FSTL5: variants seen among roughly 807,000 people sequenced by gnomAD.
The protein encoded by FSTL5 is follistatin like 5.
A neutral mutation model predicts 89.1 loss-of-function variants in FSTL5; 62 were observed. That is an observed-to-expected ratio of 0.70 (90% confidence interval 0.57 to 0.86). The LOEUF (loss-of-function observed/expected upper bound fraction) is 0.86, where lower values mean the gene tolerates loss of function less well. Ranked by LOEUF, FSTL5 falls within the 40% of genes least tolerant of loss-of-function variation. FSTL5 has a pLI of 0.00. For missense variants in FSTL5, 1,057 were observed against 1,001.6 expected, an observed-to-expected ratio of 1.06 and a Z score of -0.75; for synonymous variants, 383 against 346.2, an observed-to-expected ratio of 1.11 and a Z score of -1.18.
chr4:162,014,579 A>G (rs1736862501), intron 3 of FSTL5, among the ~76,000 whole-genome samples: 1 of 152,260 alleles, frequency 6.6e-6, no homozygotes. Context: ...AAAGCATAAC[A>G]CAAAAGGGAT....
intron 6 of FSTL5, among the ~76,000 whole-genome samples, chr4:161,685,734 A>G (rs778846831): frequency 1.8e-4 from 27 of 152,264 alleles, no homozygotes; most frequent in East Asian, 9.7e-4. Flanking sequence ...TTCTTTCCCA[A>G]TTTGGATCCC....
intron 5 of FSTL5, among the ~76,000 whole-genome samples, chr4:161,763,246 C>A (rs980050093): frequency 6.6e-6 from 1 of 152,068 alleles, no homozygotes; most frequent in Non-Finnish European, 1.5e-5. Context: ...ATATGAAACT[C>A]ATATTCTGGT....
chr4:162,139,678 A>C (rs1006945379), intron 1 of FSTL5, among the ~76,000 whole-genome samples: 3 of 152,154 alleles, frequency 2.0e-5, no homozygotes, highest in Middle Eastern at 3.2e-3. Flanking sequence ...TCTAGTCTTC[A>C]TCTATTAACT....
chr4:161,703,680 T>C (rs1738476607), intron 6 of FSTL5, among the ~76,000 whole-genome samples: 1 of 152,152 alleles, frequency 6.6e-6, no homozygotes, highest in Non-Finnish European at 1.5e-5. Flanking sequence ...TCAGACCCAA[T>C]GTTGCTGAAC....
At chr4:161,419,433 G>C (rs1173179144) in intron 15 of FSTL5, among the ~76,000 whole-genome samples, 2 of 151,986 alleles carry the variant, frequency 1.3e-5, no homozygotes, top group Non-Finnish European at 2.9e-5. Flanking sequence ...AATAAAGAAA[G>C]AAAAAAGGAA....
chr4:161,445,734 A>C (rs1299327581), intron 15 of FSTL5, among the ~76,000 whole-genome samples: 1 of 151,940 alleles, frequency 6.6e-6, no homozygotes, highest in Admixed American at 6.6e-5. Context: ...CATATCTACT[A>C]ATTTGCTGGA....
chr4:161,676,041 C>A (rs1431175635), intron 6 of FSTL5, among the ~76,000 whole-genome samples: 1 of 152,082 alleles, frequency 6.6e-6, no homozygotes, highest in Non-Finnish European at 1.5e-5. Flanking sequence ...AATTTGAATT[C>A]TGTCACTTGC....
intron 8 of FSTL5, among the ~76,000 whole-genome samples, chr4:161,562,659 A>G (rs1321568245): frequency 2.0e-5 from 3 of 151,612 alleles, no homozygotes; most frequent in African/African-American, 7.3e-5. Flanking sequence ...ATGCAGATCT[A>G]TTTGATTTTT....
chr4:161,917,993 T>TA (rs1411750900), intron 4 of FSTL5, among the ~76,000 whole-genome samples: 1 of 152,166 alleles, frequency 6.6e-6, no homozygotes, highest in Non-Finnish European at 1.5e-5. Flanking sequence ...ATTTTTTCTT[T>TA]AAAAAATCCC....
At chr4:161,684,990 T>A (rs563606642) in intron 6 of FSTL5, among the ~76,000 whole-genome samples, 1 of 152,158 alleles carries the variant, frequency 6.6e-6, no homozygotes, top group African/African-American at 2.4e-5. Context: ...TACTCCAGCA[T>A]CATTTGTTGA....
intron 4 of FSTL5, among the ~76,000 whole-genome samples, chr4:161,822,392 G>A (rs932223336): frequency 6.6e-6 from 1 of 152,204 alleles, no homozygotes; most frequent in African/African-American, 2.4e-5. Context: ...GTGATGAGAG[G>A]TGTGTGAGTG....
intron 9 of FSTL5, 24 bp from the exon 10 acceptor site, chr4:161,538,324 CT>C (rs1560943801): frequency 6.2e-7 from 1 of 1,612,794 alleles, no homozygotes; most frequent in Non-Finnish European, 8.5e-7. Flanking sequence ...GGAAATGCAA[CT>C]TGTAAACTAC....
chr4:162,047,243 T>C (rs1253545410), intron 2 of FSTL5: 1 of 152,034 alleles, frequency 6.6e-6, no homozygotes, highest in Non-Finnish European at 1.5e-5. Context: ...TGTAGATCTA[T>C]GAAAATAGTG....
intron 4 of FSTL5, among the ~76,000 whole-genome samples, chr4:161,838,939 T>A (rs1167702611): frequency 1.3e-5 from 2 of 151,882 alleles, no homozygotes; most frequent in Non-Finnish European, 2.9e-5. Context: ...CTTAAATAAT[T>A]ATAAATTAAA....
At chr4:162,155,687 G>C (rs1733440532) in intron 1 of FSTL5, among the ~76,000 whole-genome samples, 1 of 152,194 alleles carries the variant, frequency 6.6e-6, no homozygotes, top group Non-Finnish European at 1.5e-5. Flanking sequence ...AAGAACTTTT[G>C]ACTGAATGCA....
chr4:161,579,747 AAG>A (rs141101765), intron 8 of FSTL5, among the ~76,000 whole-genome samples: 75,277 of 144,478 alleles, frequency 0.52, 20,038 homozygotes, highest in Middle Eastern at 0.61. Context: ...AAAAAAAAGA[AAG>A]AAAAAGAAAA....
At chr4:162,089,013 C>G (rs1028880367) in intron 2 of FSTL5, among the ~76,000 whole-genome samples, 2 of 152,084 alleles carry the variant, frequency 1.3e-5, no homozygotes, top group African/African-American at 4.8e-5. Context: ...GAGCTCTGCC[C>G]TCATGAATAG....
intron 15 of FSTL5, among the ~76,000 whole-genome samples, chr4:161,409,115 T>C (rs1186194760): frequency 6.6e-6 from 1 of 152,092 alleles, no homozygotes; most frequent in Non-Finnish European, 1.5e-5. Flanking sequence ...AGCCATGAGA[T>C]TCACCAAGGT....
Position 162,052,304 on chromosome 4 carries a change from A to C in FSTL5, c.127-18646T>G, listed in dbSNP as rs181653927. Reference sequence around the variant, plus strand: ...CAACAACAAAAAAATCAATCATAACAAAAAAAAAGCCTTAAGTGGCTACCT... The same window carrying C: ...CAACAACAAAAAAATCAATCATAACCAAAAAAAAGCCTTAAGTGGCTACCT... On this transcript the variant is annotated intron_variant, in intron 2 of 15. Transcript: ENST00000306100. Among the ~76,000 whole-genome samples the C allele has an allele frequency of 2.6e-3, 397 of 150,652 alleles. 1 individual carries two copies. The highest frequency in any genetic ancestry group is 8.9e-3 in the African/African-American group (367 of 41,226).
Sources: allele counts gnomAD v4.1 joint callset (sites outside exome capture counted in the v4.1 genomes callset), GRCh38; gene constraint gnomAD v4.1.1; transcripts MANE v1.5; gene names NCBI Gene and HGNC (gene_info 2026-07-23, HGNC 2026-07-21).